Variants in CACNA1B observed in about 807,000 individuals in gnomAD.
CACNA1B encodes the protein voltage-dependent N-type calcium channel subunit alpha-1B.
CACNA1B carries 70 observed loss-of-function variants against 247.2 expected under a neutral mutation model. That is an observed-to-expected ratio of 0.28 (90% CI 0.23 to 0.35). The LOEUF (loss-of-function observed/expected upper bound fraction) is 0.35. Among genes scored for constraint, CACNA1B ranks in the 10% least tolerant of loss-of-function variants. CACNA1B has a pLI of 1.00. For synonymous variants in CACNA1B, 1,231 were observed against 1,294.4 expected, an observed-to-expected ratio of 0.95 and a Z score of 1.05; for missense variants, 2,367 against 3,197.4, an observed-to-expected ratio of 0.74 and a Z score of 6.26.
Position 138,122,837 on chromosome 9 carries a change from C to A in CACNA1B, c.*838C>A, listed in dbSNP as rs1962147335. On this transcript the variant is annotated 3_prime_UTR_variant, in exon 47 of 47. Transcript: ENST00000371372. ...ACCAAGTGCCTGACCGCCAGGCCCTCACACCCAGGCTCCTGGGCACTGTGG... is the reference window on the plus strand; with the variant it reads ...ACCAAGTGCCTGACCGCCAGGCCCTAACACCCAGGCTCCTGGGCACTGTGG... The A allele has an allele frequency of 6.6e-6, 1 of 152,266 alleles. No individual in the cohort carries two copies. The highest frequency in any genetic ancestry group is 2.4e-5 in the African/African-American group (1 of 41,466). 9.4% of individuals were successfully genotyped at this position (152,266 alleles called of 1,614,324 possible). A position where few individuals can be genotyped will look rare whatever the true frequency, so the allele number is the denominator to read the frequency against.
intron 6 of CACNA1B, among the ~76,000 whole-genome samples, chr9:137,921,482 AGC>A (rs1564890319): frequency 1.1e-4 from 11 of 97,092 alleles, no homozygotes; most frequent in African/African-American, 4.5e-4. Flanking sequence ...TCAGCACTGC[AGC>A]CGCGCAGCAT....
intron 20 of CACNA1B, among the ~76,000 whole-genome samples, chr9:138,027,793 G>A (rs1022263021): frequency 1.3e-5 from 2 of 152,004 alleles, no homozygotes; most frequent in African/African-American, 4.8e-5. Flanking sequence ...AATCCAAGTG[G>A]TTATTATATT....
In CACNA1B at chr9:138,013,072, T is replaced by C. The variant is rs188237150; in HGVS notation, c.2161-57T>C. The C allele has an allele frequency of 9.2e-5, 114 of 1,245,226 alleles. 1 individual carries two copies. The African/African-American group carries it at 9.6e-4, about 10-fold the overall frequency. 77.1% of individuals were successfully genotyped at this position (1,245,226 alleles called of 1,614,324 possible). On this transcript the variant is annotated intron_variant, in intron 17 of 46. Coordinates refer to ENST00000371372, the MANE Select transcript of CACNA1B (RefSeq NM_000718.4). ...AAGAGCTGATGTTATATATAGCCAG[T>C]GTTAGAGTGGCTATAACACTGTGAG...
intron 3 of CACNA1B, among the ~76,000 whole-genome samples, chr9:137,901,761 C>T (rs1239458944): frequency 6.7e-6 from 1 of 148,640 alleles, no homozygotes; most frequent in Non-Finnish European, 1.5e-5. Context: ...GCGATCTCAG[C>T]TCACTGCAAC....
intron 36 of CACNA1B, among the ~76,000 whole-genome samples, chr9:138,082,671 T>C (rs891820490): frequency 5.3e-5 from 8 of 151,308 alleles, no homozygotes; most frequent in African/African-American, 2.0e-4. Flanking sequence ...TAACAAAATG[T>C]ATAAAGAACT....
In CACNA1B at chr9:138,057,226, C is replaced by T. The variant is rs1002857471; in HGVS notation, c.3969-506C>T. On this transcript the variant is annotated intron_variant, in intron 26 of 46. Transcript: ENST00000371372. The surrounding 1 kb of genome is among the most constrained non-coding windows in gnomAD (Gnocchi z 4.0). ...TGCTGGGATTACAGGCGTGAGCCAC[C>T]GCGCCCGGCCTTTTTTATTTATTAG... Among the ~76,000 whole-genome samples the T allele has an allele frequency of 3.3e-5, 5 of 152,138 alleles. No homozygotes were observed. The highest frequency in any genetic ancestry group is 2.1e-4 in the South Asian group (1 of 4,828).
At position 137,986,911 on chromosome 9, in the gene CACNA1B, C is replaced by T; in HGVS notation, c.1974+57C>T. 3.0e-6 allele frequency: 4 copies of T among 1,318,270 alleles called. 1 individual carries two copies. In the South Asian group the frequency reaches 4.7e-5, roughly 15 times the overall value. 81.7% of individuals were successfully genotyped at this position (1,318,270 alleles called of 1,614,324 possible). A position where few individuals can be genotyped will look rare whatever the true frequency, so the allele number is the denominator to read the frequency against. On this transcript the variant is annotated intron_variant, in intron 15 of 46. Transcript: ENST00000371372. This position sits in a 1 kb window ranked among gnomAD's most constrained non-coding sequence, Gnocchi z 6.0. ...GCCCGGCTCCCGTCTCCCCTGGGTG[C>T]TGGGAAGGCGGACTCTCCTGTCATT... is the stretch of plus-strand genomic sequence containing the variant.
chr9:137,880,805 G>C lies in CACNA1B; in HGVS notation c.390+1646G>C, dbSNP rs905304639. ...TGTGCTGCTGCCCACAGAGCAGGCC[G>C]AGGCTGGGTGGTGCAGGGGCAGCCC... is the stretch of plus-strand genomic sequence containing the variant. On this transcript the variant is annotated intron_variant, in intron 2 of 46. Coordinates refer to ENST00000371372, the MANE Select transcript of CACNA1B (RefSeq NM_000718.4). This position sits in a 1 kb window ranked among gnomAD's most constrained non-coding sequence, Gnocchi z 4.8. 2.0e-5 allele frequency among the ~76,000 whole-genome samples: 3 copies of C among 152,168 alleles called. No homozygotes were observed. Among genetic ancestry groups the C allele is most frequent in the Non-Finnish European group, 4.4e-5 (3 of 68,010 alleles).
intron 3 of CACNA1B, among the ~76,000 whole-genome samples, chr9:137,906,070 C>T (rs1957295769): frequency 6.6e-6 from 1 of 152,216 alleles, no homozygotes; most frequent in African/African-American, 2.4e-5. Context: ...GTAATTTATT[C>T]CAGAGGCTGC....
intron 18 of CACNA1B, among the ~76,000 whole-genome samples, chr9:138,015,746 C>T (rs892248823): frequency 5.3e-5 from 8 of 152,142 alleles, no homozygotes; most frequent in African/African-American, 1.4e-4. Context: ...CCTAGCGTGT[C>T]GCATGCAGTG....
intron 6 of CACNA1B, among the ~76,000 whole-genome samples, chr9:137,922,185 G>A (rs1279966367): frequency 1.4e-5 from 2 of 144,824 alleles, no homozygotes; most frequent in Non-Finnish European, 3.0e-5. Context: ...CATCCTGGGA[G>A]CAGAGTAAAG....
chr9:138,087,986 GA>G (rs1254374244), intron 36 of CACNA1B, among the ~76,000 whole-genome samples: 2 of 151,878 alleles, frequency 1.3e-5, no homozygotes, highest in Non-Finnish European at 2.9e-5. Context: ...AAACCAGGCC[GA>G]AAATTAGTAG....
chr9:137,930,501 C>G (rs567684329), intron 6 of CACNA1B, among the ~76,000 whole-genome samples: 1 of 152,322 alleles, frequency 6.6e-6, no homozygotes, highest in South Asian at 2.1e-4. Context: ...ACGTTTGTTA[C>G]ATGGCTCGGA....
intron 34 of CACNA1B, 135 bp from the exon 35 acceptor site, chr9:138,075,684 A>C: frequency 1.6e-6 from 1 of 626,570 alleles, no homozygotes; most frequent in Non-Finnish European, 2.9e-6. Context: ...CCCGGGTGGG[A>C]GTTCTCTGGT....
chr9:138,092,164 A>G (rs1278940815), intron 36 of CACNA1B, among the ~76,000 whole-genome samples: 1 of 152,186 alleles, frequency 6.6e-6, no homozygotes, highest in African/African-American at 2.4e-5. Flanking sequence ...GTCTTGATAA[A>G]CATCTTAACA....
Position 138,086,097 on chromosome 9 carries a change from A to G in CACNA1B, c.5094+7839A>G, listed in dbSNP as rs573215057. On this transcript the variant is annotated intron_variant, in intron 36 of 46. Transcript: ENST00000371372. Reference sequence around the variant, plus strand: ...AAAAGATATACAAAACAACCAGAAAACAATTAACAAAATGACAGAAGTAAG... The same window carrying G: ...AAAAGATATACAAAACAACCAGAAAGCAATTAACAAAATGACAGAAGTAAG... Among the ~76,000 whole-genome samples, 49 of 151,448 alleles carry G rather than the reference A, an allele frequency of 3.2e-4. 4 individuals carry two copies. The highest frequency in any genetic ancestry group is 1.1e-3 in the African/African-American group (44 of 41,038).
chr9:137,917,493 T>C lies in CACNA1B; in HGVS notation c.966+62T>C. On this transcript the variant is annotated intron_variant, in intron 6 of 46. Coordinates refer to ENST00000371372, the MANE Select transcript of CACNA1B (RefSeq NM_000718.4). This position sits in a 1 kb window ranked among gnomAD's most constrained non-coding sequence, Gnocchi z 5.5. ...CCTGGACCTCCTGAGCTGGTGCCTC[T>C]GGGGGTCCATTTAGGGGGGCCCTTC... The C allele has an allele frequency of 6.9e-7, 1 of 1,459,750 alleles. No homozygotes were observed. Among genetic ancestry groups the C allele is most frequent in the Non-Finnish European group, 9.4e-7 (1 of 1,058,736 alleles). 90.4% of individuals were successfully genotyped at this position (1,459,750 alleles called of 1,614,324 possible). A position where few individuals can be genotyped will look rare whatever the true frequency, so the allele number is the denominator to read the frequency against.
Position 137,957,001 on chromosome 9 carries a change from A to G in CACNA1B, c.1243+174A>G, listed in dbSNP as rs1957956784. Reference sequence around the variant, plus strand: ...ATGGTGTCTGACCCTGGCACCTGACACAGGCCCACACTGCAGGTTTAAACC... The same window carrying G: ...ATGGTGTCTGACCCTGGCACCTGACGCAGGCCCACACTGCAGGTTTAAACC... On this transcript the variant is annotated intron_variant, in intron 9 of 46. Coordinates refer to ENST00000371372, the MANE Select transcript of CACNA1B (RefSeq NM_000718.4). This position sits in a 1 kb window ranked among gnomAD's most constrained non-coding sequence, Gnocchi z 4.7. 6.6e-6 allele frequency among the ~76,000 whole-genome samples: 1 copy of G among 152,216 alleles called. No homozygotes were observed. Among genetic ancestry groups the G allele is most frequent in the Non-Finnish European group, 1.5e-5 (1 of 68,032 alleles).
intron 36 of CACNA1B, among the ~76,000 whole-genome samples, chr9:138,090,308 A>G (rs1960833013): frequency 6.6e-6 from 1 of 152,172 alleles, no homozygotes; most frequent in Non-Finnish European, 1.5e-5. Context: ...TTGGAGCAGG[A>G]CAGTCTCTTC....
Sources: allele counts gnomAD v4.1 joint callset (sites outside exome capture counted in the v4.1 genomes callset), GRCh38; gene constraint gnomAD v4.1.1; non-coding constraint Gnocchi (gnomAD v3.1); transcripts MANE v1.5; gene names NCBI Gene and HGNC (gene_info 2026-07-23, HGNC 2026-07-21).